Variants in SNTG1 observed in about 807,000 individuals in gnomAD.
SNTG1 encodes the protein gamma-1-syntrophin.
A neutral mutation model predicts 74.7 loss-of-function variants in SNTG1; 39 were observed. The ratio of observed to expected loss-of-function variants is 0.52; its 90% CI spans 0.40 to 0.68. SNTG1 has a LOEUF of 0.68. Among genes scored for constraint, SNTG1 ranks in the 30% least tolerant of loss-of-function variants. SNTG1 has a pLI of 0.00. For missense variants in SNTG1, 685 were observed against 609.5 expected, an observed-to-expected ratio of 1.12 and a Z score of -1.30; for synonymous variants, 254 against 217.1, an observed-to-expected ratio of 1.17 and a Z score of -1.49.
chr8:50,271,364 G>A (rs2087770713), intron 2 of SNTG1, among the ~76,000 whole-genome samples: 1 of 152,146 alleles, frequency 6.6e-6, no homozygotes, highest in East Asian at 1.9e-4. Flanking sequence ...AAGGTTTTAG[G>A]TTTGTATTCA....
At chr8:50,517,640 AGCAGGGGTTG>A (rs2094145535) in intron 9 of SNTG1, among the ~76,000 whole-genome samples, 1 of 140,726 alleles carries the variant, frequency 7.1e-6, no homozygotes, top group African/African-American at 2.8e-5. Flanking sequence ...AAAAAAAAAT[AGCAGGGGTTG>A]AAATCCTAGT....
At chr8:50,165,016 C>G (rs1400503912) in intron 1 of SNTG1, among the ~76,000 whole-genome samples, 1 of 152,090 alleles carries the variant, frequency 6.6e-6, no homozygotes, top group African/African-American at 2.4e-5. Flanking sequence ...AACTATGCTT[C>G]CCCCTCCCCA....
chr8:50,224,030 C>T (rs2085202276), intron 2 of SNTG1, among the ~76,000 whole-genome samples: 2 of 152,008 alleles, frequency 1.3e-5, no homozygotes, highest in South Asian at 2.1e-4. Flanking sequence ...GTGAGTGACA[C>T]TTTTATACAG....
chr8:50,612,509 G>T (rs1299682172), intron 13 of SNTG1, among the ~76,000 whole-genome samples: 1 of 152,182 alleles, frequency 6.6e-6, no homozygotes. Context: ...TCTGTAATAT[G>T]TTAGACTATA....
chr8:50,492,988 C>T (rs1013336144), intron 8 of SNTG1, among the ~76,000 whole-genome samples: 3 of 152,068 alleles, frequency 2.0e-5, no homozygotes, highest in South Asian at 2.1e-4. Flanking sequence ...TGGAACAGAA[C>T]GGAGGCCTCA....
intron 12 of SNTG1, among the ~76,000 whole-genome samples, chr8:50,583,271 C>T (rs759028999): frequency 7.9e-5 from 12 of 151,490 alleles, no homozygotes; most frequent in African/African-American, 2.7e-4. Context: ...GGCATGGTGG[C>T]GGCGCCTATA....
At chr8:50,448,093 C>T (rs1431680963) in intron 5 of SNTG1, among the ~76,000 whole-genome samples, 1 of 152,136 alleles carries the variant, frequency 6.6e-6, no homozygotes, top group African/African-American at 2.4e-5. Flanking sequence ...TAGGGACACA[C>T]AGACCAAAAA....
At chr8:50,183,413 G>A (rs758131035) in intron 2 of SNTG1, among the ~76,000 whole-genome samples, 11 of 151,998 alleles carry the variant, frequency 7.2e-5, no homozygotes, top group African/African-American at 1.2e-4. Flanking sequence ...CAGAGTCTCC[G>A]TTTTATAACT....
chr8:50,248,827 G>A (rs75315928), intron 2 of SNTG1, among the ~76,000 whole-genome samples: 4,431 of 152,264 alleles, frequency 0.029, 80 homozygotes, highest in Non-Finnish European at 0.043. Flanking sequence ...CTTACCATAT[G>A]CCAGGTATGT....
intron 2 of SNTG1, among the ~76,000 whole-genome samples, chr8:50,351,943 A>G (rs1002837240): frequency 7.9e-5 from 12 of 152,230 alleles, no homozygotes; most frequent in African/African-American, 2.9e-4. Flanking sequence ...CTACAAGTTA[A>G]AAGTACTGTG....
chr8:50,292,365 G>A (rs1418196989), intron 2 of SNTG1, among the ~76,000 whole-genome samples: 4 of 152,138 alleles, frequency 2.6e-5, no homozygotes, highest in Admixed American at 1.3e-4. Context: ...GAGAAACCAG[G>A]CAATATGTTA....
intron 8 of SNTG1, among the ~76,000 whole-genome samples, chr8:50,477,084 G>A (rs1304482842): frequency 6.6e-6 from 1 of 152,056 alleles, no homozygotes; most frequent in Non-Finnish European, 1.5e-5. Flanking sequence ...TTAAACTGGG[G>A]AAGAAAAGAA....
chr8:50,143,007 G>A (rs957595293), intron 1 of SNTG1, among the ~76,000 whole-genome samples: 3 of 152,046 alleles, frequency 2.0e-5, no homozygotes, highest in Admixed American at 2.0e-4. Flanking sequence ...CCAGGAGATG[G>A]ATGTTGCAAT....
At chr8:49,930,783 T>C (rs391798) in intron 1 of SNTG1, among the ~76,000 whole-genome samples, 1 of 152,026 alleles carries the variant, frequency 6.6e-6, no homozygotes, top group Non-Finnish European at 1.5e-5. Context: ...CTTTCCAATA[T>C]TTGCACACAG....
At chr8:50,409,723 C>T (rs1426981748) in intron 4 of SNTG1, among the ~76,000 whole-genome samples, 1 of 152,026 alleles carries the variant, frequency 6.6e-6, no homozygotes, top group Non-Finnish European at 1.5e-5. Context: ...TTCAATGGGC[C>T]CTGAAGGAAA....
intron 1 of SNTG1, among the ~76,000 whole-genome samples, chr8:50,014,682 A>T (rs1816145054): frequency 6.6e-6 from 1 of 152,164 alleles, no homozygotes; most frequent in African/African-American, 2.4e-5. Flanking sequence ...GAGGATCTAT[A>T]GGCAAGCAAT....
intron 17 of SNTG1, among the ~76,000 whole-genome samples, chr8:50,717,471 T>G (rs530827279): frequency 1.4e-4 from 21 of 152,348 alleles, no homozygotes; most frequent in Non-Finnish European, 2.2e-4. Context: ...TTAAATGAGA[T>G]AGCATGTTAA....
intron 1 of SNTG1, among the ~76,000 whole-genome samples, chr8:49,920,610 TACTA>T (rs1189542111): frequency 2.0e-5 from 3 of 152,134 alleles, no homozygotes; most frequent in East Asian, 1.9e-4. Flanking sequence ...ACTTTAGTTT[TACTA>T]ACTAAGTAAC....
chr8:50,756,855 G>A (rs1411457211), intron 18 of SNTG1, among the ~76,000 whole-genome samples: 1 of 151,664 alleles, frequency 6.6e-6, no homozygotes, highest in Admixed American at 6.6e-5. Flanking sequence ...TTCAAGTTTG[G>A]AAGAACTGAC....
Sources: gnomAD v4.1 joint callset for allele counts (sites outside exome capture counted in the v4.1 genomes callset) on GRCh38, gnomAD v4.1.1 for gene constraint, MANE v1.5 for transcripts, NCBI Gene and HGNC (gene_info 2026-07-23, HGNC 2026-07-21) for gene names.